Variants in DISC1 observed in about 807,000 individuals in gnomAD.
DISC1 encodes DISC1 scaffold protein, also known as disrupted in schizophrenia 1 protein.
DISC1 carries 57 observed loss-of-function variants against 84.5 expected under a neutral mutation model. That is an observed-to-expected ratio of 0.67 (90% confidence interval 0.55 to 0.84). The LOEUF (loss-of-function observed/expected upper bound fraction) is 0.84, where lower values mean the gene tolerates loss of function less well. DISC1 is among the 40% of genes least tolerant of loss of function. The pLI is 0.00. For synonymous variants in DISC1, 411 were observed against 415.2 expected (o/e 0.99, Z 0.12); for missense variants, 1,000 against 1,057.8 (o/e 0.95, Z 0.76).
chr1:231,896,752 G>T, intron 9 of DISC1, among the ~76,000 whole-genome samples: 1 of 152,200 alleles, frequency 6.6e-6, no homozygotes, highest in South Asian at 2.1e-4. Context: ...GATTGAGGAA[G>T]ATTGTATCTA....
At chr1:231,957,863 A>G (rs947637709) in intron 9 of DISC1, among the ~76,000 whole-genome samples, 1 of 152,208 alleles carries the variant, frequency 6.6e-6, no homozygotes, top group East Asian at 1.9e-4. Flanking sequence ...AAGTCTAAGA[A>G]TCCCCAGACA....
chr1:231,681,645 C>T (rs2063703337), intron 1 of DISC1, among the ~76,000 whole-genome samples: 1 of 152,058 alleles, frequency 6.6e-6, no homozygotes, highest in African/African-American at 2.4e-5. Context: ...GATTCCCTAG[C>T]TGGGTCTATG....
At chr1:231,914,092 T>G (rs1395690369) in intron 9 of DISC1, among the ~76,000 whole-genome samples, 4 of 152,252 alleles carry the variant, frequency 2.6e-5, no homozygotes, top group African/African-American at 9.6e-5. Flanking sequence ...AGACCCTGGG[T>G]CCTTTGATCT....
At chr1:231,996,341 T>C (rs563920496) in intron 10 of DISC1, among the ~76,000 whole-genome samples, 68 of 152,314 alleles carry the variant, frequency 4.5e-4, no homozygotes, top group Admixed American at 3.5e-3. Flanking sequence ...AGCTCTTTAG[T>C]TTAATTAGAT....
At chr1:231,893,652 C>T (rs2087436408) in intron 9 of DISC1, among the ~76,000 whole-genome samples, 1 of 152,032 alleles carries the variant, frequency 6.6e-6, no homozygotes, top group African/African-American at 2.4e-5. Context: ...ATGCTATTCT[C>T]ATGGTAGACT....
At chr1:231,942,134 G>A (rs2091381806) in intron 9 of DISC1, among the ~76,000 whole-genome samples, 1 of 152,134 alleles carries the variant, frequency 6.6e-6, no homozygotes, top group Non-Finnish European at 1.5e-5. Context: ...AAGGTTTTGG[G>A]AAGGATTTGG....
chr1:232,004,632 GA>G (rs1387751245), intron 10 of DISC1, among the ~76,000 whole-genome samples: 1 of 152,124 alleles, frequency 6.6e-6, no homozygotes, highest in Non-Finnish European at 1.5e-5. Flanking sequence ...AATAGGCAAT[GA>G]ATATGAAAAG....
intron 6 of DISC1, among the ~76,000 whole-genome samples, chr1:231,793,205 T>C (rs1204725941): frequency 2.6e-5 from 4 of 152,182 alleles, no homozygotes; most frequent in Non-Finnish European, 5.9e-5. Flanking sequence ...TGGCAACCTC[T>C]GGTATGAGAT....
Position 231,626,881 on chromosome 1 carries a change from G to A in DISC1, c.14G>A (p.Gly5Asp). ...GCAGCGGGGCGCATGCCAGGCGGGG[G>A]TCCTCAGGGCGCCCCAGCCGCCGCC... MPGG[G>D]PQGAPAAAGG... is the part of the protein sequence containing the mutation. The change falls in exon 1 of 13, where the codon GGT becomes GAT. Residue 5 changes from glycine (G) to aspartate (D), a missense_variant. By Grantham distance (94) the Gly-to-Asp change is moderately conservative. This residue lies in a region of DISC1 where 292 missense variants were observed against 280.2 expected (regional missense o/e 1.04). Coordinates refer to ENST00000439617, the MANE Select transcript of DISC1 (RefSeq NM_018662.3). 6.7e-7 allele frequency: 1 copy of A among 1,486,404 alleles called. No individual in the cohort carries two copies. The highest frequency in any genetic ancestry group is 2.7e-5 in the East Asian group (1 of 37,566). 92.1% of individuals were successfully genotyped at this position (1,486,404 alleles called of 1,614,324 possible). A position where few individuals can be genotyped will look rare whatever the true frequency, so the allele number is the denominator to read the frequency against.
At position 231,905,459 on chromosome 1, in the gene DISC1, AT is replaced by A. The variant is rs879520395; in HGVS notation, c.1982-53358del. On this transcript the variant is annotated intron_variant, in intron 9 of 12. Coordinates refer to ENST00000439617, the MANE Select transcript of DISC1 (RefSeq NM_018662.3). ...GATAGTGAGACCCCCGTCTCCACAA[AT>A]TTTTTTTTTTAATTAGCCTGGCGTG... 9.1e-4 allele frequency among the ~76,000 whole-genome samples: 136 copies of A among 149,004 alleles called. 1 individual carries two copies. The highest frequency in any genetic ancestry group is 2.7e-3 in the Admixed American group (40 of 14,850).
intron 8 of DISC1, 150 bp downstream of exon 8, chr1:231,800,360 A>G: frequency 1.4e-6 from 1 of 719,854 alleles, no homozygotes. Context: ...ACTAATATGC[A>G]CATAATATAG....
At chr1:231,875,197 G>C (rs999710) in intron 9 of DISC1, among the ~76,000 whole-genome samples, 2 of 151,978 alleles carry the variant, frequency 1.3e-5, no homozygotes, top group African/African-American at 4.8e-5. Context: ...AATGTTTGGA[G>C]TAGATGATCC....
chr1:231,790,007 A>G (rs111259330), intron 6 of DISC1, among the ~76,000 whole-genome samples: 4,958 of 152,276 alleles, frequency 0.033, 107 homozygotes, highest in South Asian at 0.059. Context: ...CTCACATAAC[A>G]TTTTCTTAGA....
At chr1:231,913,476 C>T (rs2089405566) in intron 9 of DISC1, among the ~76,000 whole-genome samples, 1 of 152,176 alleles carries the variant, frequency 6.6e-6, no homozygotes, top group African/African-American at 2.4e-5. Context: ...TTCCTTCTTT[C>T]CCTGATTGTA....
intron 1 of DISC1, among the ~76,000 whole-genome samples, chr1:231,692,207 T>G (rs2065122224): frequency 6.6e-6 from 1 of 152,178 alleles, no homozygotes; most frequent in Non-Finnish European, 1.5e-5. Context: ...GTTATAGTGT[T>G]AAATGCCTCC....
chr1:231,734,950 T>C (rs200779412), intron 3 of DISC1, among the ~76,000 whole-genome samples: 2 of 152,242 alleles, frequency 1.3e-5, no homozygotes, highest in African/African-American at 2.4e-5. Flanking sequence ...TACCCTAAGC[T>C]GTTTAGCATT....
chr1:231,727,755 T>C (rs193119796), intron 3 of DISC1, among the ~76,000 whole-genome samples: 62 of 152,246 alleles, frequency 4.1e-4, no homozygotes, highest in Admixed American at 7.2e-4. Context: ...TAGTGTTATT[T>C]TTCATATGTG....
At chr1:232,005,612 A>G (rs1454543601) in intron 10 of DISC1, among the ~76,000 whole-genome samples, 1 of 152,200 alleles carries the variant, frequency 6.6e-6, no homozygotes, top group African/African-American at 2.4e-5. Context: ...CTTAGCTGAT[A>G]ATCTCTTCTA....
chr1:231,904,153 A>T, intron 9 of DISC1, among the ~76,000 whole-genome samples: 1 of 152,130 alleles, frequency 6.6e-6, no homozygotes, highest in East Asian at 1.9e-4. Context: ...TGAGGTAGGT[A>T]TTGAGTTGGA....
Sources: gnomAD v4.1 joint callset for allele counts (sites outside exome capture counted in the v4.1 genomes callset) on GRCh38, gnomAD v4.1.1 for gene constraint, gnomAD v4.1.1 regional missense constraint, MANE v1.5 for transcripts, NCBI Gene and HGNC (gene_info 2026-07-23, HGNC 2026-07-21) for gene names.